The following LINGO2 variants were observed in gnomAD, a reference collection of about 807,000 sequenced individuals.
LINGO2 encodes leucine rich repeat and Ig domain containing 2, also known as leucine-rich repeat and immunoglobulin-like domain-containing nogo receptor-interacting protein 2.
Under a neutral mutation model 30.6 loss-of-function variants are expected in LINGO2, and 14 were observed. That is an observed-to-expected ratio of 0.46 (90% CI 0.30 to 0.72). The LOEUF is 0.72. Among genes scored for constraint, LINGO2 ranks in the 30% least tolerant of loss-of-function variants. The pLI is 0.07. For missense variants in LINGO2, 729 were observed against 751.7 expected, an observed-to-expected ratio of 0.97 and a Z score of 0.35; for synonymous variants, 317 against 288.5, an observed-to-expected ratio of 1.10 and a Z score of -1.00.
At chr9:28,348,135 G>T (rs34882496) in intron 3 of LINGO2, among the ~76,000 whole-genome samples, 1 of 151,994 alleles carries the variant, frequency 6.6e-6, no homozygotes, top group Non-Finnish European at 1.5e-5. Context: ...TGCTGTTCAC[G>T]GTGGAGGAGC....
the LINGO2 span, among the ~76,000 whole-genome samples, chr9:28,890,776 TA>T: frequency 6.6e-6 from 1 of 152,110 alleles, no homozygotes; most frequent in African/African-American, 2.4e-5. Flanking sequence ...TGAAATAGCC[TA>T]ATCAAATAAG....
chr9:29,072,228 C>A, the LINGO2 span, among the ~76,000 whole-genome samples: 2 of 152,130 alleles, frequency 1.3e-5, no homozygotes, highest in Non-Finnish European at 2.9e-5. Flanking sequence ...ACAAGCCCTG[C>A]ATATATCTCC....
the LINGO2 span, among the ~76,000 whole-genome samples, chr9:29,182,558 A>C: frequency 3.9e-5 from 6 of 152,316 alleles, no homozygotes; most frequent in South Asian, 1.2e-3. Context: ...ACAGGGAAAA[A>C]TGCTGACCAA....
At chr9:28,630,891 GA>G (rs66593842) in intron 1 of LINGO2, among the ~76,000 whole-genome samples, 27,090 of 140,278 alleles carry the variant, frequency 0.19, 2,900 homozygotes, top group Non-Finnish European at 0.25. Flanking sequence ...TGCACATAAA[GA>G]AAAAAAAAAA....
intron 5 of LINGO2, among the ~76,000 whole-genome samples, chr9:27,988,316 G>T (rs925143236): frequency 1.3e-5 from 2 of 152,036 alleles, no homozygotes; most frequent in South Asian, 2.1e-4. Flanking sequence ...ACATATGTGT[G>T]CATGTGTCTT....
chr9:27,990,029 T>C (rs1821316378), intron 5 of LINGO2, among the ~76,000 whole-genome samples: 2 of 152,066 alleles, frequency 1.3e-5, no homozygotes, highest in Admixed American at 1.3e-4. Flanking sequence ...TCATTCCCTA[T>C]TGCTATAGTG....
the LINGO2 span, among the ~76,000 whole-genome samples, chr9:29,030,020 G>C: frequency 5.9e-5 from 9 of 151,974 alleles, no homozygotes; most frequent in African/African-American, 2.2e-4. Context: ...TTTGGTACTA[G>C]CTGGTGTTAG....
At chr9:29,083,644 G>GA in the LINGO2 span, among the ~76,000 whole-genome samples, 837 of 140,562 alleles carry the variant, frequency 6.0e-3, 6 homozygotes, top group African/African-American at 0.02. Flanking sequence ...CTACAGAAAT[G>GA]AAAAAAAAAA....
the LINGO2 span, among the ~76,000 whole-genome samples, chr9:28,847,734 GTA>G: frequency 8.7e-6 from 1 of 114,726 alleles, no homozygotes; most frequent in East Asian, 2.5e-4. Context: ...TAGTGTCTGT[GTA>G]TATATATATG....
intron 3 of LINGO2, among the ~76,000 whole-genome samples, chr9:28,360,966 T>C (rs1318372063): frequency 6.6e-6 from 1 of 152,214 alleles, no homozygotes; most frequent in East Asian, 1.9e-4. Flanking sequence ...TTTCCATTGT[T>C]TCAGTTACCC....
At chr9:28,927,496 T>C in the LINGO2 span, among the ~76,000 whole-genome samples, 1 of 152,140 alleles carries the variant, frequency 6.6e-6, no homozygotes, top group African/African-American at 2.4e-5. Flanking sequence ...ATTTAAATAA[T>C]TGAGATGGAT....
chr9:27,956,258 T>G (rs1383573456), intron 5 of LINGO2, among the ~76,000 whole-genome samples: 4 of 152,142 alleles, frequency 2.6e-5, no homozygotes, highest in Non-Finnish European at 5.9e-5. Context: ...CTTTTATATG[T>G]TATCCATTCT....
At chr9:28,780,841 T>TGTGG in the LINGO2 span, among the ~76,000 whole-genome samples, 2 of 80,412 alleles carry the variant, frequency 2.5e-5, no homozygotes, top group African/African-American at 5.5e-5. Flanking sequence ...TGTGTGTGTG[T>TGTGG]GTGTGTGTGT....
At chr9:28,607,462 G>C (rs1436909706) in intron 1 of LINGO2, among the ~76,000 whole-genome samples, 3 of 151,970 alleles carry the variant, frequency 2.0e-5, no homozygotes, top group Admixed American at 2.0e-4. Flanking sequence ...ACACTAACTT[G>C]AGCAAAATAG....
chr9:28,575,754 T>G (rs1426612795), intron 1 of LINGO2, among the ~76,000 whole-genome samples: 1 of 152,116 alleles, frequency 6.6e-6, no homozygotes, highest in East Asian at 1.9e-4. Flanking sequence ...TTATTTTGGA[T>G]AGATAAGATA....
exon 6 of LINGO2, chr9:27,949,045 C>T: frequency 1.2e-6 from 2 of 1,614,004 alleles, no homozygotes; most frequent in South Asian, 1.1e-5. Context: ...GCTGTAGACA[C>T]CAGTATTGTT....
intron 1 of LINGO2, among the ~76,000 whole-genome samples, chr9:28,604,684 C>T (rs1825628242): frequency 6.6e-6 from 1 of 151,644 alleles, no homozygotes; most frequent in South Asian, 2.1e-4. Context: ...AGTAAGTATC[C>T]ATAGAAAAAT....
intron 4 of LINGO2, among the ~76,000 whole-genome samples, chr9:28,079,161 G>A (rs1389427952): frequency 7.4e-6 from 1 of 135,206 alleles, no homozygotes; most frequent in Admixed American, 7.0e-5. Flanking sequence ...GCAGGATCAG[G>A]TTTTAACACA....
intron 1 of LINGO2, among the ~76,000 whole-genome samples, chr9:28,659,724 C>G (rs1828512402): frequency 6.6e-6 from 1 of 152,170 alleles, no homozygotes; most frequent in Non-Finnish European, 1.5e-5. Flanking sequence ...GCTGGGATTA[C>G]AGGCATGAGC....
Sources: allele counts gnomAD v4.1 joint callset (sites outside exome capture counted in the v4.1 genomes callset), GRCh38; gene constraint gnomAD v4.1.1; transcripts MANE v1.5; gene names NCBI Gene and HGNC (gene_info 2026-07-23, HGNC 2026-07-21).